Variants in SEMA6D observed in about 807,000 individuals in gnomAD.
The protein encoded by SEMA6D is semaphorin-6D.
SEMA6D carries 35 observed loss-of-function variants against 106.6 expected under a neutral mutation model. The ratio of observed to expected loss-of-function variants is 0.33; its 90% CI spans 0.25 to 0.44. The LOEUF (loss-of-function observed/expected upper bound fraction) is 0.44, where lower values mean the gene tolerates loss of function less well. Ranked by LOEUF, SEMA6D falls within the 20% of genes least tolerant of loss-of-function variation. The pLI is 1.00. For missense variants in SEMA6D, 1,185 were observed against 1,345.9 expected (o/e 0.88, Z 1.87); for synonymous variants, 499 against 487.7 (o/e 1.02, Z -0.31).
chr15:47,634,603 C>T (rs11852327), intron 4 of SEMA6D, among the ~76,000 whole-genome samples: 33,205 of 152,038 alleles, frequency 0.22, 4,041 homozygotes, highest in Non-Finnish European at 0.27. Flanking sequence ...AGCAGAGGTA[C>T]GTAGACAGGG....
At chr15:47,603,280 G>T (rs1333816879) in intron 4 of SEMA6D, 1 of 152,182 alleles carries the variant, frequency 6.6e-6, no homozygotes, top group Non-Finnish European at 1.5e-5. Context: ...TCCTGTAGCT[G>T]GGACCTTCTG....
chr15:47,434,539 C>G (rs1033303563), intron 2 of SEMA6D, among the ~76,000 whole-genome samples: 15 of 152,070 alleles, frequency 9.9e-5, no homozygotes, highest in Non-Finnish European at 2.1e-4. Flanking sequence ...CTTCCATGAT[C>G]AGTGATATAT....
rs557188023 is a variant in SEMA6D at position 47,398,863 on chromosome 15, C to T, written c.-238-13530C>T. Among the ~76,000 whole-genome samples, 5 of 152,186 alleles carry T rather than the reference C, an allele frequency of 3.3e-5. No homozygotes were observed. The East Asian group carries it at 9.7e-4, about 29-fold the overall frequency. ...ACCCTCATCCATGGAGGATGTGCAC[C>T]ATAATGGGAAGGAACACCGGCTCAG... On this transcript the variant is annotated intron_variant, in intron 1 of 19. Coordinates refer to the SEMA6D transcript ENST00000558014.
Position 47,427,672 on chromosome 15 carries a change from G to A in SEMA6D, c.-159+15200G>A, listed in dbSNP as rs377442712. On this transcript the variant is annotated intron_variant, in intron 2 of 19. Transcript: ENST00000558014. Reference sequence around the variant, plus strand: ...AAACTTGCTGTGAAGTGGAAATAATGTTATCTTCTCTAACTCACAGTGAGT... The same window carrying A: ...AAACTTGCTGTGAAGTGGAAATAATATTATCTTCTCTAACTCACAGTGAGT... 1.6e-4 allele frequency among the ~76,000 whole-genome samples: 25 copies of A among 152,216 alleles called. No homozygotes were observed. In the East Asian group the frequency reaches 2.9e-3, roughly 18 times the overall value.
chr15:47,593,068 A>G (rs16959723), intron 3 of SEMA6D, among the ~76,000 whole-genome samples: 26,286 of 152,156 alleles, frequency 0.17, 2,630 homozygotes, highest in African/African-American at 0.25. Flanking sequence ...AACTTGGTCT[A>G]GAATTTCAGA....
chr15:47,510,352 T>C (rs2044186515), intron 3 of SEMA6D, among the ~76,000 whole-genome samples: 1 of 152,098 alleles, frequency 6.6e-6, no homozygotes, highest in South Asian at 2.1e-4. Context: ...TGCCCCCCAG[T>C]TTATGGAAAA....
intron 2 of SEMA6D, among the ~76,000 whole-genome samples, chr15:47,427,108 A>G (rs2041366055): frequency 6.6e-6 from 1 of 152,180 alleles, no homozygotes; most frequent in Non-Finnish European, 1.5e-5. Flanking sequence ...ATTTACAGTG[A>G]TAGCATCATT....
chr15:47,388,295 G>T (rs1289728394), intron 1 of SEMA6D, among the ~76,000 whole-genome samples: 2 of 152,168 alleles, frequency 1.3e-5, no homozygotes, highest in African/African-American at 4.8e-5. Context: ...TCTGTTTGCA[G>T]TCGTCCCTCC....
Position 47,281,917 on chromosome 15 carries a change from G to A in SEMA6D, c.-239+97499G>A, listed in dbSNP as rs535030272. ...CAATTTTACAAATAAGGATATTAAA[G>A]CATATATAGGTTTACCCTAATTATA... On this transcript the variant is annotated intron_variant, in intron 1 of 19. Coordinates refer to the SEMA6D transcript ENST00000558014. Among the ~76,000 whole-genome samples the A allele has an allele frequency of 2.2e-4, 33 of 152,056 alleles. 1 individual carries two copies. The South Asian group carries it at 6.2e-3, about 29-fold the overall frequency.
chr15:47,764,399 A>C, intron 11 of SEMA6D, 94 bp downstream of exon 11: 1 of 1,454,256 alleles, frequency 6.9e-7, no homozygotes, highest in African/African-American at 1.4e-5. Context: ...CCAACCTCCC[A>C]CACCAGGAAG....
At chr15:47,592,719 T>C (rs778885161) in intron 3 of SEMA6D, among the ~76,000 whole-genome samples, 4 of 152,206 alleles carry the variant, frequency 2.6e-5, no homozygotes, top group Non-Finnish European at 5.9e-5. Flanking sequence ...CATGAAAAGA[T>C]TGTAGAATTT....
At position 47,385,686 on chromosome 15, in the gene SEMA6D, T is replaced by TA. The variant is rs201948435; in HGVS notation, c.-238-26699dup. ...AACTACAGCAATAAAGAATTTTTTT[T>TA]AAAAAAAACAAGAATTATCAAGAAT... On this transcript the variant is annotated intron_variant, in intron 1 of 19. Transcript: ENST00000558014. 2.4e-3 allele frequency among the ~76,000 whole-genome samples: 347 copies of TA among 143,736 alleles called. 4 individuals carry two copies. Among genetic ancestry groups the TA allele is most frequent in the African/African-American group, 8.4e-3 (326 of 38,594 alleles). The allele number at this position is 143,736 out of a possible 152,430, so 94.3% of individuals were successfully genotyped here.
intron 3 of SEMA6D, among the ~76,000 whole-genome samples, chr15:47,586,928 T>C (rs546129121): frequency 6.6e-6 from 1 of 151,698 alleles, no homozygotes; most frequent in Non-Finnish European, 1.5e-5. Flanking sequence ...TCTGTGTTTG[T>C]CTTCAGCTCT....
chr15:47,281,192 C>T (rs2035091051), intron 1 of SEMA6D, among the ~76,000 whole-genome samples: 1 of 117,576 alleles, frequency 8.5e-6, no homozygotes, highest in African/African-American at 3.1e-5. Flanking sequence ...TCAGGACTTG[C>T]TTTATGAATC....
rs146080200 is a variant in SEMA6D, at chr15:47,724,981, T to C, written c.-55+7289T>C. ...ACCAAGTTCCTCTCATAGAGTTGTT[T>C]AGCAGAACCAAACTGAAAGTCTGTG... is the stretch of plus-strand genomic sequence containing the variant. On this transcript the variant is annotated intron_variant, in intron 1 of 18. Transcript: ENST00000536845. Among the ~76,000 whole-genome samples the C allele has an allele frequency of 2.0e-3, 302 of 152,360 alleles. 1 individual carries two copies. The highest frequency in any genetic ancestry group is 0.017 in the Middle Eastern group (5 of 294).
chr15:47,612,622 T>C (rs7165134), intron 4 of SEMA6D, among the ~76,000 whole-genome samples: 54,289 of 152,016 alleles, frequency 0.36, 9,858 homozygotes, highest in East Asian at 0.51. Flanking sequence ...TCTCATTTGT[T>C]CCTTGCATTG....
chr15:47,354,760 C>T (rs770592939), intron 1 of SEMA6D, among the ~76,000 whole-genome samples: 3 of 152,058 alleles, frequency 2.0e-5, no homozygotes, highest in East Asian at 1.9e-4. Context: ...TGCACCAAGC[C>T]GACTTGCATG....
chr15:47,554,360 A>G (rs2045855492), intron 3 of SEMA6D, among the ~76,000 whole-genome samples: 1 of 152,358 alleles, frequency 6.6e-6, no homozygotes, highest in African/African-American at 2.4e-5. Context: ...GGAACAAGAC[A>G]TGAACTCAAG....
chr15:47,521,821 TA>T (rs958120294), intron 3 of SEMA6D, among the ~76,000 whole-genome samples: 2 of 151,970 alleles, frequency 1.3e-5, no homozygotes, highest in African/African-American at 2.4e-5. Flanking sequence ...CCGTCTCTAC[TA>T]AAAATACAAA....
Sources: allele counts gnomAD v4.1 joint callset (sites outside exome capture counted in the v4.1 genomes callset), GRCh38; gene constraint gnomAD v4.1.1; transcripts MANE v1.5; gene names NCBI Gene and HGNC (gene_info 2026-07-23, HGNC 2026-07-21).